Variants in SLC9A2 observed in about 807,000 individuals in gnomAD.
SLC9A2 encodes the protein sodium/hydrogen exchanger 2.
Under a neutral mutation model 71.7 loss-of-function variants are expected in SLC9A2, and 42 were observed. That is an observed-to-expected ratio of 0.59 (90% CI 0.46 to 0.76). The LOEUF is 0.76. SLC9A2 is among the 30% of genes least tolerant of loss of function. The pLI is 0.00. For synonymous variants in SLC9A2, 396 were observed against 392.5 expected (o/e 1.01, Z -0.10); for missense variants, 829 against 1,017.4 (o/e 0.81, Z 2.52).
intron 8 of SLC9A2, among the ~76,000 whole-genome samples, chr2:102,701,557 T>C (rs1677875386): frequency 6.6e-6 from 1 of 152,206 alleles, no homozygotes; most frequent in Non-Finnish European, 1.5e-5. Flanking sequence ...ATTGAATTGA[T>C]GGTCAAGAAC....
At position 102,632,067 on chromosome 2, in the gene SLC9A2, C is replaced by T. The variant is rs974337167; in HGVS notation, c.289+11930C>T. ...ACACACACACATATATATACACACA[C>T]ATATATATACACACATATATATACA... On this transcript the variant is annotated intron_variant, in intron 1 of 11. Transcript: ENST00000233969. 3.2e-4 allele frequency among the ~76,000 whole-genome samples: 36 copies of T among 113,154 alleles called. 1 individual carries two copies. The highest frequency in any genetic ancestry group is 1.3e-3 in the African/African-American group (33 of 24,890). 74.2% of individuals were successfully genotyped at this position (113,154 alleles called of 152,430 possible). A position where few individuals can be genotyped will look rare whatever the true frequency, so the allele number is the denominator to read the frequency against.
At chr2:102,668,731 T>C (rs1677190778) in intron 3 of SLC9A2, among the ~76,000 whole-genome samples, 1 of 152,208 alleles carries the variant, frequency 6.6e-6, no homozygotes, top group Non-Finnish European at 1.5e-5. Flanking sequence ...AAACTGCTTC[T>C]GTAATGATTT....
At chr2:102,639,989 GA>G (rs1295284401) in intron 1 of SLC9A2, among the ~76,000 whole-genome samples, 1 of 152,174 alleles carries the variant, frequency 6.6e-6, no homozygotes, top group East Asian at 1.9e-4. Context: ...AAAGATCAGA[GA>G]AAACAGAAAG....
intron 1 of SLC9A2, 102 bp downstream of exon 1, chr2:102,620,239 A>G: frequency 1.0e-6 from 1 of 999,034 alleles, no homozygotes; most frequent in Non-Finnish European, 1.5e-6. Context: ...TGACCGCCTC[A>G]TCTTGAATCA....
intron 1 of SLC9A2, among the ~76,000 whole-genome samples, chr2:102,630,447 T>A (rs1444575888): frequency 6.6e-6 from 1 of 152,060 alleles, no homozygotes; most frequent in Non-Finnish European, 1.5e-5. Context: ...TGACTTTTGA[T>A]ATTAATTTGA....
chr2:102,637,942 A>T (rs984692146), intron 1 of SLC9A2, among the ~76,000 whole-genome samples: 1 of 152,240 alleles, frequency 6.6e-6, no homozygotes, highest in African/African-American at 2.4e-5. Context: ...ACGGGGAGCA[A>T]GCTGGACAGC....
At chr2:102,708,095 A>C (rs1304187384) in intron 11 of SLC9A2, 24 bp from the exon 12 acceptor site, 1 of 1,593,648 alleles carries the variant, frequency 6.3e-7, no homozygotes, top group Non-Finnish European at 8.5e-7. Context: ...ATGCTTGCCC[A>C]CCTTGTCTTT....
chr2:102,696,385 A>AT (rs1037843874), intron 7 of SLC9A2, among the ~76,000 whole-genome samples: 1 of 152,030 alleles, frequency 6.6e-6, no homozygotes, highest in Non-Finnish European at 1.5e-5. Flanking sequence ...TGCTAACAGA[A>AT]TTTTTTTTCC....
chr2:102,706,755 G>T (rs1034490069), intron 11 of SLC9A2, among the ~76,000 whole-genome samples: 2 of 152,272 alleles, frequency 1.3e-5, no homozygotes, highest in Non-Finnish European at 2.9e-5. Context: ...ACAAAAAGTT[G>T]TAAGTCTGCA....
At chr2:102,653,523 T>C (rs1676875144) in intron 1 of SLC9A2, among the ~76,000 whole-genome samples, 2 of 152,186 alleles carry the variant, frequency 1.3e-5, no homozygotes, top group Non-Finnish European at 2.9e-5. Flanking sequence ...CTTGCCCGAG[T>C]TTCTGGTCAG....
At chr2:102,665,968 C>T (rs900416934) in intron 3 of SLC9A2, among the ~76,000 whole-genome samples, 4 of 151,794 alleles carry the variant, frequency 2.6e-5, no homozygotes, top group Admixed American at 6.6e-5. Context: ...AAGAATTGTA[C>T]GAGCTTGATG....
chr2:102,695,781 T>TATATATATATTATATATATATA (rs1173797174), intron 7 of SLC9A2, among the ~76,000 whole-genome samples: 1 of 15,516 alleles, frequency 6.4e-5, no homozygotes, highest in African/African-American at 1.2e-4. Context: ...ATATATATTA[T>TATATATATATTATATATATATA]ATATATATTA....
intron 3 of SLC9A2, among the ~76,000 whole-genome samples, chr2:102,667,222 GT>G (rs1451527646): frequency 1.3e-5 from 2 of 151,748 alleles, no homozygotes; most frequent in African/African-American, 4.9e-5. Context: ...ATGACTTCCA[GT>G]TTCCTCACTC....
chr2:102,692,987 T>C (rs1233092876), intron 5 of SLC9A2, among the ~76,000 whole-genome samples: 2 of 151,786 alleles, frequency 1.3e-5, no homozygotes, highest in Non-Finnish European at 2.9e-5. Context: ...TATAGAATAC[T>C]AGTGTATTAT....
chr2:102,669,842 G>A (rs1172424409), intron 3 of SLC9A2, among the ~76,000 whole-genome samples: 2 of 151,956 alleles, frequency 1.3e-5, no homozygotes, highest in Non-Finnish European at 2.9e-5. Context: ...TTGGACTTCA[G>A]GCTCCTTTCT....
At position 102,658,005 on chromosome 2, in the gene SLC9A2, T is replaced by TG; in HGVS notation, c.732dup (p.Leu245AlafsTer3). 6.2e-7 allele frequency: 1 copy of TG among 1,608,630 alleles called. No individual in the cohort carries two copies. The highest frequency in any genetic ancestry group is 8.5e-7 in the Non-Finnish European group (1 of 1,177,090). On this transcript the variant is annotated frameshift_variant, in exon 2 of 12. Coordinates refer to ENST00000233969, the MANE Select transcript of SLC9A2 (RefSeq NM_003048.6). LOFTEE classifies it high-confidence loss of function. ...TACATCCTGGTCTTTGGAGAGTCCC[T>TG]GCTGAATGATGCAGTAACAGTGGTG...
At chr2:102,620,273 G>C in intron 1 of SLC9A2, 136 bp downstream of exon 1, 3 of 697,122 alleles carry the variant, frequency 4.3e-6, no homozygotes, top group Non-Finnish European at 4.5e-6. Flanking sequence ...AGATGGAGCA[G>C]CTTCTTCTGG....
intron 5 of SLC9A2, among the ~76,000 whole-genome samples, chr2:102,687,239 T>C (rs1677563626): frequency 6.6e-6 from 1 of 152,166 alleles, no homozygotes; most frequent in South Asian, 2.1e-4. Flanking sequence ...CCACTTCCTC[T>C]TCCTCCTATT....
At chr2:102,652,344 T>G (rs925093314) in intron 1 of SLC9A2, among the ~76,000 whole-genome samples, 1 of 152,168 alleles carries the variant, frequency 6.6e-6, no homozygotes, top group Non-Finnish European at 1.5e-5. Flanking sequence ...GAGATACAGC[T>G]TCTTCCTGTT....
Sources: allele counts gnomAD v4.1 joint callset (sites outside exome capture counted in the v4.1 genomes callset), GRCh38; gene constraint gnomAD v4.1.1; transcripts MANE v1.5; gene names NCBI Gene and HGNC (gene_info 2026-07-23, HGNC 2026-07-21).